MAGI2: variants seen among roughly 807,000 people sequenced by gnomAD.
The protein encoded by MAGI2 is membrane-associated guanylate kinase, WW and PDZ domain-containing protein 2.
In MAGI2, 35 loss-of-function variants were observed where a neutral mutation model predicts 133.3. The ratio of observed to expected loss-of-function variants is 0.26; its 90% confidence interval spans 0.20 to 0.35. The LOEUF (loss-of-function observed/expected upper bound fraction) is 0.35. Ranked by LOEUF, MAGI2 falls within the 10% of genes least tolerant of loss-of-function variation. The pLI, the probability that MAGI2 is intolerant of heterozygous loss-of-function variation, is 1.00. For missense variants in MAGI2, 1,636 were observed against 1,863.4 expected (o/e 0.88, Z 2.25); for synonymous variants, 729 against 710.6 (o/e 1.03, Z -0.41).
chr7:78,260,292 G>T (rs1333332983), intron 9 of MAGI2, among the ~76,000 whole-genome samples: 1 of 152,138 alleles, frequency 6.6e-6, no homozygotes, highest in Non-Finnish European at 1.5e-5. Flanking sequence ...AAGACACCTG[G>T]TATATGTCAT....
At chr7:78,305,496 G>C (rs1798179646) in intron 9 of MAGI2, among the ~76,000 whole-genome samples, 1 of 152,150 alleles carries the variant, frequency 6.6e-6, no homozygotes, top group Non-Finnish European at 1.5e-5. Flanking sequence ...TTAAGGCAAT[G>C]AGTTGCTTTA....
chr7:79,339,104 C>T (rs532057723), intron 1 of MAGI2, among the ~76,000 whole-genome samples: 4 of 151,792 alleles, frequency 2.6e-5, no homozygotes, highest in East Asian at 1.9e-4. Flanking sequence ...TATGTTTTGC[C>T]GTAAGTTATT....
rs145006033 is a variant in MAGI2, at chr7:78,528,374, T to C, written c.539-6729A>G. Among the ~76,000 whole-genome samples, 1,158 of 152,262 alleles carry C rather than the reference T, an allele frequency of 7.6e-3. 17 individuals carry two copies. Among genetic ancestry groups the C allele is most frequent in the African/African-American group, 0.026 (1,085 of 41,550 alleles). On this transcript the variant is annotated intron_variant, in intron 3 of 21. Transcript: ENST00000354212. Reference sequence around the variant, plus strand: ...CATCAGAGATTTAGATGTATATTAATAGAAATGGATAAATCATCAAAGGAC... The same window carrying C: ...CATCAGAGATTTAGATGTATATTAACAGAAATGGATAAATCATCAAAGGAC...
chr7:78,480,824 G>C (rs976057821), intron 6 of MAGI2, among the ~76,000 whole-genome samples: 3 of 151,758 alleles, frequency 2.0e-5, no homozygotes, highest in Non-Finnish European at 4.4e-5. Flanking sequence ...CATTTACATT[G>C]CTCAAAGAAA....
At chr7:79,384,350 C>G (rs1025576619) in intron 1 of MAGI2, among the ~76,000 whole-genome samples, 1 of 147,702 alleles carries the variant, frequency 6.8e-6, no homozygotes, top group African/African-American at 2.5e-5. Context: ...AACTGGAATG[C>G]TTCTTGAAAG....
At chr7:78,704,782 T>TATTTTTTTCC (rs1554535272) in intron 2 of MAGI2, among the ~76,000 whole-genome samples, 1 of 143,436 alleles carries the variant, frequency 7.0e-6, no homozygotes, top group African/African-American at 2.7e-5. Flanking sequence ...ATTATTCTTT[T>TATTTTTTTCC]TTTTTTTTTT....
chr7:78,729,085 C>A (rs1425367455), intron 2 of MAGI2, among the ~76,000 whole-genome samples: 1 of 152,080 alleles, frequency 6.6e-6, no homozygotes, highest in African/African-American at 2.4e-5. Flanking sequence ...TGATAATGAT[C>A]ATATGACTTA....
intron 20 of MAGI2, among the ~76,000 whole-genome samples, chr7:78,120,351 C>T (rs567834089): frequency 6.6e-6 from 1 of 152,042 alleles, no homozygotes; most frequent in African/African-American, 2.4e-5. Flanking sequence ...TGCAGTGAGC[C>T]GAGATTGTGC....
intron 2 of MAGI2, among the ~76,000 whole-genome samples, chr7:78,814,012 T>A (rs1789333415): frequency 6.6e-6 from 1 of 152,150 alleles, no homozygotes. Flanking sequence ...AAGACATGGC[T>A]GGTGCAATAA....
rs1275264029 is a variant in MAGI2 at position 78,663,246 on chromosome 7, G to T, written c.419-36007C>A. On this transcript the variant is annotated intron_variant, in intron 2 of 21. Coordinates refer to ENST00000354212, the MANE Select transcript of MAGI2 (RefSeq NM_012301.4). ...TTTCCAGACACAGTCTCACTCTCTC[G>T]CCCAAGCTGGAGTGCAGTGGCCTGA... is the stretch of plus-strand genomic sequence containing the variant. Among the ~76,000 whole-genome samples the T allele has an allele frequency of 3.2e-5, 4 of 123,180 alleles. No homozygotes were observed. The Admixed American group carries it at 4.2e-4, about 13-fold the overall frequency. The allele number at this position is 123,180 out of a possible 152,430, so 80.8% of individuals were successfully genotyped here. A position where few individuals can be genotyped will look rare whatever the true frequency, so the allele number is the denominator to read the frequency against.
intron 6 of MAGI2, among the ~76,000 whole-genome samples, chr7:78,442,737 GATTT>G (rs200952752): frequency 0.011 from 1,714 of 152,204 alleles, 29 homozygotes; most frequent in African/African-American, 0.037. Context: ...TATTTACTTA[GATTT>G]ATTTTGGAAA....
At position 78,982,970 on chromosome 7, in the gene MAGI2, AG is replaced by A. The variant is rs544641911; in HGVS notation, c.418+24119del. 6.6e-5 allele frequency among the ~76,000 whole-genome samples: 10 copies of A among 152,104 alleles called. No homozygotes were observed. In the South Asian group the frequency reaches 1.9e-3, roughly 28 times the overall value. On this transcript the variant is annotated intron_variant, in intron 2 of 21. Coordinates refer to ENST00000354212, the MANE Select transcript of MAGI2 (RefSeq NM_012301.4). Reference sequence around the variant, plus strand: ...GCTAATGAGCACTTGAAGTGTGGTTAGTCTGACTTGAGCTATGCTGTCAGTC... The same window carrying A: ...GCTAATGAGCACTTGAAGTGTGGTTATCTGACTTGAGCTATGCTGTCAGTC...
intron 3 of MAGI2, 51 bp downstream of exon 3, chr7:78,627,069 G>T: frequency 1.3e-6 from 2 of 1,516,364 alleles, no homozygotes; most frequent in Middle Eastern, 1.8e-4. Context: ...TCCATCGAAT[G>T]AGAAAAATGT....
At chr7:78,291,628 G>GA (rs1796716674) in intron 9 of MAGI2, among the ~76,000 whole-genome samples, 1 of 151,978 alleles carries the variant, frequency 6.6e-6, no homozygotes, top group Admixed American at 6.6e-5. Context: ...AGACACAACA[G>GA]AAAAAGAGAA....
chr7:79,394,545 G>C (rs146524408), intron 1 of MAGI2, among the ~76,000 whole-genome samples: 2 of 152,140 alleles, frequency 1.3e-5, no homozygotes, highest in African/African-American at 2.4e-5. Context: ...CATAATTACA[G>C]TAGAGAGAGC....
chr7:78,534,771 G>T (rs546485994), intron 3 of MAGI2, among the ~76,000 whole-genome samples: 2 of 152,140 alleles, frequency 1.3e-5, no homozygotes, highest in African/African-American at 4.8e-5. Flanking sequence ...TTCTGATAGT[G>T]GGGGAGCAAG....
intron 2 of MAGI2, among the ~76,000 whole-genome samples, chr7:78,643,475 G>A (rs1018098428): frequency 1.2e-4 from 18 of 152,092 alleles, no homozygotes; most frequent in African/African-American, 4.1e-4. Context: ...GAAATGACTT[G>A]TAGAAATTTC....
intron 2 of MAGI2, among the ~76,000 whole-genome samples, chr7:78,814,637 C>T (rs917806119): frequency 1.3e-4 from 19 of 151,956 alleles, no homozygotes; most frequent in Non-Finnish European, 2.2e-4. Flanking sequence ...TGTGCACAAA[C>T]CCTGGTGAAA....
chr7:78,760,365 T>C (rs1315146705), intron 2 of MAGI2, among the ~76,000 whole-genome samples: 3 of 146,568 alleles, frequency 2.0e-5, no homozygotes, highest in Non-Finnish European at 3.0e-5. Context: ...TTCTCTCTTT[T>C]TTTTTTTTTT....
Sources: allele counts gnomAD v4.1 joint callset (sites outside exome capture counted in the v4.1 genomes callset), GRCh38; gene constraint gnomAD v4.1.1; transcripts MANE v1.5; gene names NCBI Gene and HGNC (gene_info 2026-07-23, HGNC 2026-07-21).